The following GTF2B variants were observed in gnomAD, a reference collection of about 807,000 sequenced individuals.
GTF2B encodes general transcription factor IIB.
Under a neutral mutation model 34.6 loss-of-function variants are expected in GTF2B, and 20 were observed. The ratio of observed to expected loss-of-function variants is 0.58; its 90% confidence interval spans 0.41 to 0.84. The LOEUF (loss-of-function observed/expected upper bound fraction) is 0.84. Ranked by LOEUF, GTF2B falls within the 40% of genes least tolerant of loss-of-function variation. The pLI is 0.00. For missense variants in GTF2B, 237 were observed against 393.3 expected (o/e 0.60, Z 3.36); for synonymous variants, 142 against 132.4 (o/e 1.07, Z -0.50).
intron 2 of GTF2B, among the ~76,000 whole-genome samples, chr1:88,886,097 T>C (rs1004866160): frequency 1.3e-5 from 2 of 152,184 alleles, no homozygotes; most frequent in African/African-American, 4.8e-5. Flanking sequence ...TAGTGCCTAG[T>C]ATATAGTAAA....
chr1:88,853,298 T>C lies in GTF2B; in HGVS notation c.866A>G (p.Tyr289Cys). The C allele has an allele frequency of 6.2e-7, 1 of 1,611,128 alleles. No homozygotes were observed. The highest frequency in any genetic ancestry group is 8.5e-7 in the Non-Finnish European group (1 of 1,177,230). Reference sequence around the variant, plus strand: ...TGGGGCTCGAGGATAGATCAGTCTATAGGACTGTCTGATTGTAACATCAGC... The same window carrying C: ...TGGGGCTCGAGGATAGATCAGTCTACAGGACTGTCTGATTGTAACATCAGC... ...GVADVTIRQSYRLIYPRAPDL... is the reference protein window; with the variant it reads ...GVADVTIRQSCRLIYPRAPDL... Residue 289 changes from tyrosine (Y) to cysteine (C), a missense_variant, in exon 7 of 7, where the codon TAT becomes TGT. Physicochemically the swap from Tyr to Cys is radical, Grantham distance 194. Around this residue, in one of 3 missense-constraint regions of GTF2B, gnomAD observed 78 missense variants for 116.6 expected, o/e 0.67. Coordinates refer to ENST00000370500, the MANE Select transcript of GTF2B (RefSeq NM_001514.6).
In GTF2B at chr1:88,857,361, T is replaced by C; in HGVS notation, c.662A>G (p.Asn221Ser). The C allele has an allele frequency of 1.2e-6, 2 of 1,613,812 alleles. No homozygotes were observed. The highest frequency in any genetic ancestry group is 2.2e-5 in the East Asian group (1 of 44,864). Reference sequence around the variant, plus strand: ...CTGTACTTGTTTAGGAAGACAAAGGTTGGAACAGAACCTGGACATGAAGTC... The same window carrying C: ...CTGTACTTGTTTAGGAAGACAAAGGCTGGAACAGAACCTGGACATGAAGTC... ...TGDFMSRFCS[N>S]LCLPKQVQMA... Residue 221 changes from asparagine to serine, a missense_variant, in exon 6 of 7, where the codon AAC (asparagine) becomes AGC (serine). Asn to Ser is a conservative substitution (Grantham distance 46, BLOSUM62 1). Transcript: ENST00000370500.
chr1:88,868,591 G>A (rs903468823), intron 2 of GTF2B, among the ~76,000 whole-genome samples: 1 of 152,100 alleles, frequency 6.6e-6, no homozygotes, highest in African/African-American at 2.4e-5. Context: ...AAGAGAATAC[G>A]AATTCCATCT....
At chr1:88,863,945 C>G in intron 3 of GTF2B, 36 bp downstream of exon 3, 1 of 1,602,438 alleles carries the variant, frequency 6.2e-7, no homozygotes, top group Non-Finnish European at 8.5e-7. Flanking sequence ...TATGGTCACT[C>G]TGCAATTGGT....
chr1:88,862,029 A>T (rs1286973250), intron 3 of GTF2B, among the ~76,000 whole-genome samples: 4 of 152,200 alleles, frequency 2.6e-5, no homozygotes, highest in Non-Finnish European at 5.9e-5. Flanking sequence ...ACAAACCTAA[A>T]TTTTTTTAAA....
chr1:88,857,182 A>C, intron 6 of GTF2B, 24 bp downstream of exon 6: 1 of 1,582,916 alleles, frequency 6.3e-7, no homozygotes, highest in Non-Finnish European at 8.6e-7. Context: ...GTTTACTGCC[A>C]CACTTCCTGA....
At chr1:88,875,742 G>A (rs146497793) in intron 2 of GTF2B, among the ~76,000 whole-genome samples, 1 of 152,314 alleles carries the variant, frequency 6.6e-6, no homozygotes, top group African/African-American at 2.4e-5. Context: ...ACTGTATTAA[G>A]TTACCCTACT....
chr1:88,872,665 TGG>T (rs1055389201), intron 2 of GTF2B, among the ~76,000 whole-genome samples: 1 of 152,138 alleles, frequency 6.6e-6, no homozygotes, highest in African/African-American at 2.4e-5. Context: ...AGTACCACAA[TGG>T]GTACCTTGTC....
Position 88,855,879 on chromosome 1 carries a change from C to T in GTF2B, c.817+1327G>A, listed in dbSNP as rs12045389. Among the ~76,000 whole-genome samples the T allele has an allele frequency of 1.6e-3, 243 of 152,336 alleles. 6 individuals are homozygous for T. In the East Asian group the frequency reaches 0.041, roughly 26 times the overall value. On this transcript the variant is annotated intron_variant, in intron 6 of 6. Coordinates refer to ENST00000370500, the MANE Select transcript of GTF2B (RefSeq NM_001514.6). ...CCATGTTGGCCAGGAGGCTGGTCAC[C>T]GCACCTAGTTTATGAATTTCTTTAC...
At position 88,885,402 on chromosome 1, in the gene GTF2B, G is replaced by A. The variant is rs137866225; in HGVS notation, c.124+1859C>T. Among the ~76,000 whole-genome samples the A allele has an allele frequency of 2.0e-3, 309 of 151,392 alleles. 2 individuals are homozygous for A. Among genetic ancestry groups the A allele is most frequent in the African/African-American group, 7.0e-3 (289 of 41,220 alleles). ...TTGCAGTGAGCTGGGATCGCACCACGGCACTCCAGCCTGGGCAACAAAAGG... is the reference window on the plus strand; with the variant it reads ...TTGCAGTGAGCTGGGATCGCACCACAGCACTCCAGCCTGGGCAACAAAAGG... On this transcript the variant is annotated intron_variant, in intron 2 of 6. Transcript: ENST00000370500.
At chr1:88,876,998 T>C (rs1000541874) in intron 2 of GTF2B, among the ~76,000 whole-genome samples, 1 of 151,974 alleles carries the variant, frequency 6.6e-6, no homozygotes, top group Non-Finnish European at 1.5e-5. Flanking sequence ...ACATGGAAAA[T>C]ATGAAGATAA....
At chr1:88,889,337 A>G (rs540920956) in intron 1 of GTF2B, among the ~76,000 whole-genome samples, 24 of 152,380 alleles carry the variant, frequency 1.6e-4, no homozygotes, top group Middle Eastern at 3.4e-3. Context: ...GAGGAACCAT[A>G]CAAATGGGGT....
chr1:88,859,257 G>A (rs1454312528), intron 5 of GTF2B, among the ~76,000 whole-genome samples: 3 of 152,054 alleles, frequency 2.0e-5, no homozygotes, highest in African/African-American at 4.8e-5. Context: ...ATGTATAAAC[G>A]GCCTACTTTG....
In GTF2B at chr1:88,853,648, C is replaced by G. The variant is rs187898271; in HGVS notation, c.818-302G>C. Among the ~76,000 whole-genome samples the G allele has an allele frequency of 3.2e-4, 48 of 152,014 alleles. 2 individuals carry two copies. The highest frequency in any genetic ancestry group is 3.1e-3 in the Admixed American group (48 of 15,272). On this transcript the variant is annotated intron_variant, in intron 6 of 6. Coordinates refer to ENST00000370500, the MANE Select transcript of GTF2B (RefSeq NM_001514.6). ...TGAAACCCCATCTCTACTAAAAATA[C>G]AAAAAATTAGCCAGGCGTGGTGGCA...
intron 2 of GTF2B, among the ~76,000 whole-genome samples, chr1:88,870,627 T>A (rs896660646): frequency 2.0e-5 from 3 of 152,198 alleles, no homozygotes; most frequent in African/African-American, 7.2e-5. Context: ...ATTAATTTTT[T>A]AAATTTGACT....
At chr1:88,862,100 C>G (rs1417993183) in intron 3 of GTF2B, among the ~76,000 whole-genome samples, 1 of 152,036 alleles carries the variant, frequency 6.6e-6, no homozygotes, top group Non-Finnish European at 1.5e-5. Context: ...TGAAAAAGAG[C>G]AATGAGGGAA....
chr1:88,858,689 T>TA (rs370550100), intron 5 of GTF2B: 20 of 152,288 alleles, frequency 1.3e-4, no homozygotes, highest in African/African-American at 4.8e-4. Flanking sequence ...ACTGGATGAA[T>TA]AAAGGGTTAA....
chr1:88,870,989 C>T (rs530617411), intron 2 of GTF2B, among the ~76,000 whole-genome samples: 103 of 151,174 alleles, frequency 6.8e-4, no homozygotes, highest in Middle Eastern at 3.5e-3. Context: ...GCAACCTCTG[C>T]CTCCTAGGTT....
Position 88,878,222 on chromosome 1 carries a change from C to T in GTF2B, c.124+9039G>A, listed in dbSNP as rs912908698. Reference sequence around the variant, plus strand: ...CAGGGAGGTGGAAGTTGCAGTGAGTCGAGATGATTTCAGTGCACTCCAGCC... The same window carrying T: ...CAGGGAGGTGGAAGTTGCAGTGAGTTGAGATGATTTCAGTGCACTCCAGCC... On this transcript the variant is annotated intron_variant, in intron 2 of 6. Transcript: ENST00000370500. Among the ~76,000 whole-genome samples the T allele has an allele frequency of 5.3e-5, 8 of 151,996 alleles. No individual in the cohort carries two copies. In the South Asian group the frequency reaches 6.2e-4, roughly 12 times the overall value.
Sources: allele counts gnomAD v4.1 joint callset (sites outside exome capture counted in the v4.1 genomes callset), GRCh38; gene constraint gnomAD v4.1.1; regional missense constraint gnomAD v4.1.1; transcripts MANE v1.5; gene names NCBI Gene and HGNC (gene_info 2026-07-23, HGNC 2026-07-21).